Variants in GTF2A1 observed in about 807,000 individuals in gnomAD.
GTF2A1 encodes transcription initiation factor IIA subunit 1.
GTF2A1 carries 12 observed loss-of-function variants against 54.1 expected under a neutral mutation model. That is an observed-to-expected ratio of 0.22 (90% CI 0.14 to 0.36). The LOEUF is 0.36. Ranked by LOEUF, GTF2A1 falls within the 10% of genes least tolerant of loss-of-function variation. GTF2A1 has a pLI of 1.00. For synonymous variants in GTF2A1, 145 were observed against 152.0 expected, an observed-to-expected ratio of 0.95 and a Z score of 0.34; for missense variants, 335 against 442.2, an observed-to-expected ratio of 0.76 and a Z score of 2.17.
At position 81,182,122 on chromosome 14, in the gene GTF2A1, CA is replaced by C. The variant is rs1206130044; in HGVS notation, c.1024-1793del. Among the ~76,000 whole-genome samples the C allele has an allele frequency of 3.3e-5, 5 of 151,916 alleles. No homozygotes were observed. The East Asian group carries it at 9.7e-4, about 29-fold the overall frequency. ...ACTTAAAAAAAAAAAATCACTCAAT[CA>C]AACAACCTTCATCTTATTTGGAAAC... On this transcript the variant is annotated intron_variant, in intron 8 of 8. Coordinates refer to ENST00000553612, the MANE Select transcript of GTF2A1 (RefSeq NM_015859.4).
At chr14:81,197,532 CTG>C (rs1262373253) in intron 4 of GTF2A1, 48 bp from the exon 5 acceptor site, 1 of 950,968 alleles carries the variant, frequency 1.1e-6, no homozygotes, top group Admixed American at 2.3e-5. Flanking sequence ...ATGTATAATA[CTG>C]TTTCTCTCTA....
intron 1 of GTF2A1, 137 bp downstream of exon 1, chr14:81,220,352 G>C: frequency 6.0e-6 from 2 of 330,872 alleles, no homozygotes; most frequent in Non-Finnish European, 5.0e-6. Context: ...GCCCGAGGCG[G>C]GAAGCGGCGG....
chr14:81,204,185 T>TAAA, intron 2 of GTF2A1, 81 bp from the exon 3 acceptor site: 1 of 936,546 alleles, frequency 1.1e-6, no homozygotes, highest in Non-Finnish European at 1.8e-6. Flanking sequence ...AATCTCTTTA[T>TAAA]AAAGTTATTC....
intron 2 of GTF2A1, among the ~76,000 whole-genome samples, chr14:81,209,634 T>C (rs1319868176): frequency 2.0e-5 from 3 of 152,212 alleles, no homozygotes; most frequent in African/African-American, 7.2e-5. Context: ...CTCCTTAGTA[T>C]AGCATGTTAC....
chr14:81,195,476 A>G (rs749581199), intron 6 of GTF2A1, among the ~76,000 whole-genome samples: 2 of 151,742 alleles, frequency 1.3e-5, no homozygotes, highest in Non-Finnish European at 1.5e-5. Context: ...TACTAAAAAT[A>G]CAAAAGTTAG....
At chr14:81,206,653 G>A (rs893314138) in intron 2 of GTF2A1, among the ~76,000 whole-genome samples, 1 of 152,138 alleles carries the variant, frequency 6.6e-6, no homozygotes, top group Non-Finnish European at 1.5e-5. Context: ...AGGTTATTCT[G>A]ATGTATGCTA....
chr14:81,221,366 C>T (rs1356523715), upstream of GTF2A1: 1 of 131,932 alleles, frequency 7.6e-6, no homozygotes, highest in Non-Finnish European at 1.8e-5. Flanking sequence ...TACTGCCTCG[C>T]TAGGAATGGC....
Position 81,180,248 on chromosome 14 carries a change from T to C in GTF2A1, c.1106A>G (p.Lys369Arg). ...NLNGRDYIFS[K>R]AIGDAEW ...TCACCATTCTGCATCTCCAATGGCT[T>C]TGGAAAATATATAATCTCTTCCATT... The change falls in exon 9 of 9, where the codon AAA (lysine) becomes AGA (arginine). Residue 369 changes from lysine (K) to arginine (R), a missense_variant. Lys to Arg is a conservative substitution (Grantham distance 26, BLOSUM62 2). Around this residue, in one of 2 missense-constraint regions of GTF2A1, gnomAD observed 29 missense variants for 81.7 expected, o/e 0.35. Coordinates refer to ENST00000553612, the MANE Select transcript of GTF2A1 (RefSeq NM_015859.4). 7.0e-7 allele frequency: 1 copy of C among 1,418,626 alleles called. No homozygotes were observed. Among genetic ancestry groups the C allele is most frequent in the Admixed American group, 1.8e-5 (1 of 54,860 alleles). 87.9% of individuals were successfully genotyped at this position (1,418,626 alleles called of 1,614,324 possible).
intron 6 of GTF2A1, among the ~76,000 whole-genome samples, chr14:81,195,227 C>T (rs907239756): frequency 6.6e-6 from 1 of 150,420 alleles, no homozygotes; most frequent in Non-Finnish European, 1.5e-5. Flanking sequence ...GACAATGCAG[C>T]ATTTTAGTGA....
intron 2 of GTF2A1, among the ~76,000 whole-genome samples, chr14:81,212,614 A>G (rs1893397236): frequency 1.3e-5 from 2 of 152,196 alleles, no homozygotes; most frequent in South Asian, 4.1e-4. Flanking sequence ...GCTTTTGATA[A>G]GTTTGTAAAA....
chr14:81,220,137 C>T (rs1893588546), intron 1 of GTF2A1, among the ~76,000 whole-genome samples: 1 of 151,166 alleles, frequency 6.6e-6, no homozygotes, highest in Non-Finnish European at 1.5e-5. Flanking sequence ...ACGGGCCCCT[C>T]GGGGGGAAGC....
At chr14:81,188,316 A>G (rs1014516655) in intron 7 of GTF2A1, among the ~76,000 whole-genome samples, 1 of 152,028 alleles carries the variant, frequency 6.6e-6, no homozygotes, top group African/African-American at 2.4e-5. Flanking sequence ...GGAGGTCAAG[A>G]TGCTGAGGCT....
At chr14:81,184,994 GTTTTC>G (rs1892712644) in intron 8 of GTF2A1, among the ~76,000 whole-genome samples, 1 of 152,164 alleles carries the variant, frequency 6.6e-6, no homozygotes, top group South Asian at 2.1e-4. Context: ...TCAATGGCTA[GTTTTC>G]ACAGTATCTG....
At chr14:81,219,396 A>C (rs961243039) in intron 1 of GTF2A1, among the ~76,000 whole-genome samples, 1 of 152,198 alleles carries the variant, frequency 6.6e-6, no homozygotes, top group African/African-American at 2.4e-5. Flanking sequence ...GTTTAAATGG[A>C]GAGGCGGTGA....
chr14:81,178,442 A>G lies in GTF2A1; in HGVS notation c.*1781T>C, dbSNP rs1892572504. 6.6e-6 allele frequency: 1 copy of G among 152,140 alleles called. No individual in the cohort carries two copies. Among genetic ancestry groups the G allele is most frequent in the African/African-American group, 2.4e-5 (1 of 41,432 alleles). 9.4% of individuals were successfully genotyped at this position (152,140 alleles called of 1,614,324 possible). On this transcript the variant is annotated 3_prime_UTR_variant, in exon 9 of 9. Transcript: ENST00000553612. ...ACAGAATAAACAAACTTCCCCTCAA[A>G]AAACTAAATTAATATAGTCAAAATA...
chr14:81,210,016 C>CT (rs201118427), intron 2 of GTF2A1: 170,403 of 426,412 alleles, frequency 0.4, 38,308 homozygotes, highest in Middle Eastern at 0.49. Flanking sequence ...ACATTTTCGG[C>CT]AGGACAATTC....
In GTF2A1 at chr14:81,178,119, G is replaced by T. The variant is rs1193151550; in HGVS notation, c.*2104C>A. 1 of 152,020 alleles carries T rather than the reference G, an allele frequency of 6.6e-6. No homozygotes were observed. The highest frequency in any genetic ancestry group is 1.5e-5 in the Non-Finnish European group (1 of 67,964). The allele number at this position is 152,020 out of a possible 1,614,324, so 9.4% of individuals were successfully genotyped here. On this transcript the variant is annotated 3_prime_UTR_variant, in exon 9 of 9. Coordinates refer to ENST00000553612, the MANE Select transcript of GTF2A1 (RefSeq NM_015859.4). ...CAGTATACAACACTACTATGAATAT[G>T]AATGTTTGTCTACATAGAGGGCCCA... is the stretch of plus-strand genomic sequence containing the variant.
At chr14:81,198,606 G>A (rs1893038916) in intron 4 of GTF2A1, among the ~76,000 whole-genome samples, 1 of 152,062 alleles carries the variant, frequency 6.6e-6, no homozygotes, top group Non-Finnish European at 1.5e-5. Context: ...CCATTCTCTG[G>A]TTTTTTATTC....
intron 1 of GTF2A1, among the ~76,000 whole-genome samples, chr14:81,218,516 G>C (rs754767676): frequency 2.0e-5 from 3 of 152,132 alleles, no homozygotes; most frequent in Admixed American, 6.5e-5. Flanking sequence ...AGGAGTATTT[G>C]AAATAAGCAA....
Sources: allele counts gnomAD v4.1 joint callset (sites outside exome capture counted in the v4.1 genomes callset), GRCh38; gene constraint gnomAD v4.1.1; regional missense constraint gnomAD v4.1.1; transcripts MANE v1.5; gene names NCBI Gene and HGNC (gene_info 2026-07-23, HGNC 2026-07-21).